CKAP2L: variants seen among roughly 807,000 people sequenced by gnomAD.
The protein encoded by CKAP2L is cytoskeleton associated protein 2L.
A neutral mutation model predicts 65.7 loss-of-function variants in CKAP2L; 42 were observed. That is an observed-to-expected ratio of 0.64 (90% confidence interval 0.50 to 0.83). CKAP2L has a LOEUF of 0.83. CKAP2L is among the 40% of genes least tolerant of loss of function. The pLI, the probability that CKAP2L is intolerant of heterozygous loss-of-function variation, is 0.00. For missense variants in CKAP2L, 908 were observed against 871.0 expected (o/e 1.04, Z -0.53); for synonymous variants, 325 against 313.5 (o/e 1.04, Z -0.39).
chr2:112,764,550 G>C lies in CKAP2L; in HGVS notation c.37+12C>G. Reference sequence around the variant, plus strand: ...AACGCCTGAGAATAACGGGAACAGCGGTCGTACTCACCGACAGCGGCAGCA... The same window carrying C: ...AACGCCTGAGAATAACGGGAACAGCCGTCGTACTCACCGACAGCGGCAGCA... On this transcript the variant is annotated intron_variant, in intron 1 of 8. Transcript: ENST00000302450. 6.2e-7 allele frequency: 1 copy of C among 1,613,942 alleles called. No individual in the cohort carries two copies. The highest frequency in any genetic ancestry group is 8.5e-7 in the Non-Finnish European group (1 of 1,179,806).
intron 5 of CKAP2L, 25 bp downstream of exon 5, chr2:112,752,242 G>T (rs773054656): frequency 6.4e-7 from 1 of 1,555,462 alleles, no homozygotes; most frequent in Non-Finnish European, 8.8e-7. Flanking sequence ...GGCCAAAGCT[G>T]GAGGAGCTTA....
chr2:112,743,166 A>G (rs1317888633), intron 6 of CKAP2L, among the ~76,000 whole-genome samples: 1 of 152,154 alleles, frequency 6.6e-6, no homozygotes, highest in Non-Finnish European at 1.5e-5. Flanking sequence ...TTTTCTTGAG[A>G]CAGAGTCTTA....
chr2:112,741,715 A>G (rs899864431), intron 7 of CKAP2L, among the ~76,000 whole-genome samples: 3 of 152,138 alleles, frequency 2.0e-5, no homozygotes, highest in Non-Finnish European at 4.4e-5. Context: ...TTCTTACCAC[A>G]TGTAGTGGGT....
At chr2:112,753,688 C>G (rs1182582728) in intron 4 of CKAP2L, among the ~76,000 whole-genome samples, 1 of 151,898 alleles carries the variant, frequency 6.6e-6, no homozygotes, top group African/African-American at 2.4e-5. Context: ...CCACCACACC[C>G]GGCTAATTTT....
Position 112,756,970 on chromosome 2 carries a change from A to C in CKAP2L, c.401T>G (p.Leu134Arg), listed in dbSNP as rs74625166. The C allele has an allele frequency of 3.8e-4, 608 of 1,614,210 alleles. 3 individuals carry two copies. In the African/African-American group the frequency reaches 7.0e-3, roughly 19 times the overall value. The change falls in exon 4 of 9, where the codon CTG becomes CGG. Residue 134 changes from leucine to arginine, a missense_variant. Leu to Arg is a moderately radical substitution (Grantham distance 102). Coordinates refer to ENST00000302450, the MANE Select transcript of CKAP2L (RefSeq NM_152515.5). ...CEAGSSTTGELSRKPVGSLNI... is the reference protein window; with the variant it reads ...CEAGSSTTGERSRKPVGSLNI... ...AAGTGACCCCACAGGTTTTCTTGAC[A>C]GTTCTCCTGTTGTGGACGATCCAGC...
At chr2:112,752,179 G>T in intron 5 of CKAP2L, 88 bp downstream of exon 5, 3 of 885,228 alleles carry the variant, frequency 3.4e-6, no homozygotes, top group South Asian at 1.6e-5. Flanking sequence ...TTAGATGAAG[G>T]CTATCTCTCC....
rs557457995 is a variant in CKAP2L at position 112,752,615 on chromosome 2, T to C, written c.1395-141A>G. The C allele has an allele frequency of 8.2e-4, 523 of 635,336 alleles. 3 individuals carry two copies. The highest frequency in any genetic ancestry group is 9.4e-4 in the Non-Finnish European group (353 of 374,726). The allele number at this position is 635,336 out of a possible 1,614,324, so 39.4% of individuals were successfully genotyped here. On this transcript the variant is annotated intron_variant, in intron 4 of 8. Transcript: ENST00000302450. ...TCAGGAGAATGGAATTAAAAAACAA[T>C]TTACAAATGGGTAATGGCAGCATTG...
At chr2:112,741,051 A>G in intron 7 of CKAP2L, 44 bp from the exon 8 acceptor site, 1 of 1,318,770 alleles carries the variant, frequency 7.6e-7, no homozygotes, top group Non-Finnish European at 1.1e-6. Context: ...TTACCAATTT[A>G]ATACTTCAAC....
At position 112,744,961 on chromosome 2, in the gene CKAP2L, A is replaced by T. The variant is rs371033180; in HGVS notation, c.1758+1459T>A. ...ACAAACAATAACAAGAGAGAAAGAAATGAAAAACATTGGAGAAGAAATAGA... is the reference window on the plus strand; with the variant it reads ...ACAAACAATAACAAGAGAGAAAGAATTGAAAAACATTGGAGAAGAAATAGA... On this transcript the variant is annotated intron_variant, in intron 6 of 8. Transcript: ENST00000302450. 4.7e-4 allele frequency among the ~76,000 whole-genome samples: 71 copies of T among 152,366 alleles called. 2 individuals carry two copies. The South Asian group carries it at 0.014, about 30-fold the overall frequency.
At chr2:112,748,850 G>A (rs1164123953) in intron 5 of CKAP2L, among the ~76,000 whole-genome samples, 1 of 149,360 alleles carries the variant, frequency 6.7e-6, no homozygotes, top group African/African-American at 2.5e-5. Context: ...AGGCAAAAGA[G>A]TGAAACCCTG....
At position 112,756,813 on chromosome 2, in the gene CKAP2L, C is replaced by T; in HGVS notation, c.558G>A (p.Glu186=). Reference sequence around the variant, plus strand: ...GTTCTGTTAAGATATCGAGCAAGTTCTCTTTGTTTGTTTCTTTTAGAAAGT... The same window carrying T: ...GTTCTGTTAAGATATCGAGCAAGTTTTCTTTGTTTGTTTCTTTTAGAAAGT... ...LDNFLKETNK[E]NLLDILTEPE... The change falls in exon 4 of 9, where the codon GAG becomes GAA. Residue 186 remains glutamate, a synonymous_variant. Coordinates refer to ENST00000302450, the MANE Select transcript of CKAP2L (RefSeq NM_152515.5). The T allele has an allele frequency of 1.2e-6, 2 of 1,602,492 alleles. No individual in the cohort carries two copies. The highest frequency in any genetic ancestry group is 1.7e-6 in the Non-Finnish European group (2 of 1,176,766).
chr2:112,738,779 T>C lies in CKAP2L; in HGVS notation c.*44A>G, dbSNP rs774189329. ...ACTTGGACAAGAATATTTCTTGTCT[T>C]ATGTTGGTTCTGAAACACCTTTTTT... On this transcript the variant is annotated 3_prime_UTR_variant, in exon 9 of 9. Transcript: ENST00000302450. 3.1e-6 allele frequency: 4 copies of C among 1,296,446 alleles called. No individual in the cohort carries two copies. The highest frequency in any genetic ancestry group is 4.5e-6 in the Non-Finnish European group (4 of 893,560). The allele number at this position is 1,296,446 out of a possible 1,614,324, so 80.3% of individuals were successfully genotyped here. A position where few individuals can be genotyped will look rare whatever the true frequency, so the allele number is the denominator to read the frequency against.
At position 112,757,109 on chromosome 2, in the gene CKAP2L, A is replaced by C. The variant is rs769111717; in HGVS notation, c.262T>G (p.Ser88Ala). Residue 88 changes from serine to alanine, a missense_variant, in exon 4 of 9, where the codon TCC becomes GCC. Coordinates refer to ENST00000302450, the MANE Select transcript of CKAP2L (RefSeq NM_152515.5). ...LQPRPPNTAG[S>A]QKPKLEPPKL... is the part of the protein sequence containing the mutation. ...GGTGGCTCCAACTTCGGCTTCTGGG[A>C]CCCTGCAGTATTAGGTGGTCTGGGC... 6.2e-7 allele frequency: 1 copy of C among 1,614,124 alleles called. No homozygotes were observed. Among genetic ancestry groups the C allele is most frequent in the Non-Finnish European group, 8.5e-7 (1 of 1,180,022 alleles).
intron 3 of CKAP2L, 140 bp from the exon 4 acceptor site, chr2:112,757,354 A>G (rs892973533): frequency 3.2e-6 from 2 of 617,546 alleles, no homozygotes; most frequent in Non-Finnish European, 5.3e-6. Context: ...CTCAGAAAGT[A>G]AAGAAAGACT....
intron 5 of CKAP2L, among the ~76,000 whole-genome samples, chr2:112,748,794 G>A (rs543121890): frequency 4.2e-4 from 63 of 151,772 alleles, no homozygotes; most frequent in African/African-American, 1.5e-3. Context: ...CACCCAGGAG[G>A]TTTAAAGTTG....
chr2:112,742,527 T>G (rs1680044575), intron 7 of CKAP2L, 179 bp downstream of exon 7: 2 of 713,544 alleles, frequency 2.8e-6, no homozygotes, highest in Admixed American at 2.0e-5. Flanking sequence ...AGTAGTGCAT[T>G]TACTTGTAAT....
intron 4 of CKAP2L, among the ~76,000 whole-genome samples, chr2:112,754,726 T>C (rs1256630253): frequency 2.0e-5 from 3 of 152,162 alleles, no homozygotes; most frequent in Non-Finnish European, 4.4e-5. Flanking sequence ...TCAAACATGT[T>C]CAACCTGCAA....
chr2:112,762,210 G>GA (rs200712548), intron 2 of CKAP2L, among the ~76,000 whole-genome samples: 6 of 150,858 alleles, frequency 4.0e-5, no homozygotes, highest in African/African-American at 4.9e-5. Context: ...ACTTCCCCAA[G>GA]AAAAAAAAAG....
chr2:112,743,968 T>G (rs1028866981), intron 6 of CKAP2L, among the ~76,000 whole-genome samples: 1 of 152,230 alleles, frequency 6.6e-6, no homozygotes, highest in Non-Finnish European at 1.5e-5. Flanking sequence ...TACCTGGAAC[T>G]CTGTATCAAA....
Sources: gnomAD v4.1 joint callset for allele counts (sites outside exome capture counted in the v4.1 genomes callset) on GRCh38, gnomAD v4.1.1 for gene constraint, MANE v1.5 for transcripts, NCBI Gene and HGNC (gene_info 2026-07-23, HGNC 2026-07-21) for gene names.